Variants in SLC38A10 observed in about 807,000 individuals in gnomAD.
The protein encoded by SLC38A10 is solute carrier family 38 member 10.
In SLC38A10, 53 loss-of-function variants were observed where a neutral mutation model predicts 81.0. That is an observed-to-expected ratio of 0.65 (90% confidence interval 0.53 to 0.82). The LOEUF is 0.82. Among genes scored for constraint, SLC38A10 ranks in the 40% least tolerant of loss-of-function variants. The pLI, the probability that SLC38A10 is intolerant of heterozygous loss-of-function variation, is 0.00. For synonymous variants in SLC38A10, 665 were observed against 655.3 expected (o/e 1.01, Z -0.23); for missense variants, 1,471 against 1,545.0 (o/e 0.95, Z 0.80).
chr17:81,255,340 G>A (rs563803866), intron 11 of SLC38A10, among the ~76,000 whole-genome samples: 21 of 152,386 alleles, frequency 1.4e-4, no homozygotes, highest in Non-Finnish European at 2.4e-4. Context: ...CCATCTTTGC[G>A]TCAGGGACAG....
chr17:81,246,254 C>T lies in SLC38A10; in HGVS notation c.2662G>A (p.Gly888Ser), dbSNP rs752033485. ...CCAGGTTTTTTCCTGTCTTGGGAAC[C>T]GCCAGTAACGTCCTGACTTTGCCCA... ...FPGQSQDVTGGSQDRKKPGKE... is the reference protein window; with the variant it reads ...FPGQSQDVTGSSQDRKKPGKE... Residue 888 changes from glycine to serine, a missense_variant, in exon 16 of 16, where the codon GGT (glycine) becomes AGT (serine). Coordinates refer to ENST00000374759, the MANE Select transcript of SLC38A10 (RefSeq NM_001037984.3). 26 of 1,612,600 alleles carry T rather than the reference C, an allele frequency of 1.6e-5. No homozygotes were observed. Among genetic ancestry groups the T allele is most frequent in the Middle Eastern group, 1.6e-4 (1 of 6,082 alleles).
chr17:81,280,545 C>T (rs951079855), intron 6 of SLC38A10, 64 bp downstream of exon 6: 16 of 1,590,430 alleles, frequency 1.0e-5, no homozygotes, highest in Admixed American at 1.7e-5. Flanking sequence ...GAGAGGGTCC[C>T]GTCTCCCAGC....
In SLC38A10 at chr17:81,246,907, G is replaced by A. The variant is rs1450065324; in HGVS notation, c.2220C>T (p.Asp740=). 9 of 1,602,054 alleles carry A rather than the reference G, an allele frequency of 5.6e-6. No homozygotes were observed. The highest frequency in any genetic ancestry group is 1.3e-5 in the African/African-American group (1 of 74,918). ...TACCCTGCCTGGGTTTATCCTCCTC[G>A]TCCTCCTGCCTCTGCTGGTGGATCT... ...HKEIHQQRQE[D]EEDKPRQVEV... The change falls in exon 15 of 16, where the codon GAC becomes GAT. Residue 740 remains aspartate (D), a synonymous_variant. Coordinates refer to ENST00000374759, the MANE Select transcript of SLC38A10 (RefSeq NM_001037984.3).
intron 8 of SLC38A10, among the ~76,000 whole-genome samples, chr17:81,274,406 G>GC (rs930887572): frequency 3.3e-5 from 5 of 152,228 alleles, no homozygotes; most frequent in Non-Finnish European, 7.3e-5. Flanking sequence ...GAGACCCACC[G>GC]CCCCCAATGT....
chr17:81,280,560 C>T lies in SLC38A10; in HGVS notation c.626+49G>A, dbSNP rs780665080. ...GAGAGGGTCCCGTCTCCCAGCAGCT[C>T]GCCCTCCCCGTCACAGAACTCCACC... On this transcript the variant is annotated intron_variant, in intron 6 of 15. Transcript: ENST00000374759. 1.1e-5 allele frequency: 18 copies of T among 1,602,464 alleles called. No homozygotes were observed. The African/African-American group carries it at 1.2e-4, about 11-fold the overall frequency.
chr17:81,274,370 C>A (rs1447128265), intron 8 of SLC38A10, among the ~76,000 whole-genome samples: 1 of 152,210 alleles, frequency 6.6e-6, no homozygotes, highest in Admixed American at 6.5e-5. Flanking sequence ...GACAGTGAGC[C>A]AATGCTATCG....
At chr17:81,280,029 G>C (rs1006797152) in intron 6 of SLC38A10, 2 of 391,090 alleles carry the variant, frequency 5.1e-6, no homozygotes, top group African/African-American at 4.2e-5. Flanking sequence ...TCCCGTCTGC[G>C]CCGGATTTAC....
rs763648595 is a variant in SLC38A10, at chr17:81,250,124, A to G, written c.2065+1369T>C. The stretch of plus-strand genomic sequence containing the variant: ...CGTCCCGTTGAGAGGCATACGGAAG[A>G]AAGGCAGAATAGGAAACCGTGAAAA... On this transcript the variant is annotated intron_variant, in intron 14 of 15. Coordinates refer to ENST00000374759, the MANE Select transcript of SLC38A10 (RefSeq NM_001037984.3). 3 of 1,284,376 alleles carry G rather than the reference A, an allele frequency of 2.3e-6. No individual in the cohort carries two copies. In the South Asian group the frequency reaches 3.7e-5, roughly 16 times the overall value. 79.6% of individuals were successfully genotyped at this position (1,284,376 alleles called of 1,614,324 possible). A position where few individuals can be genotyped will look rare whatever the true frequency, so the allele number is the denominator to read the frequency against.
At position 81,270,914 on chromosome 17, in the gene SLC38A10, G is replaced by A. The variant is rs201246685; in HGVS notation, c.1131+4C>T. On this transcript the variant is annotated splice_donor_region_variant and intron_variant, in intron 10 of 15. Transcript: ENST00000374759. The surrounding 1 kb of genome is among the most constrained non-coding windows in gnomAD (Gnocchi z 4.0). ...GTCCAGGCCACCCCACGAGCAGCAC[G>A]CACCTGGGAGGAAAGTGCGTTCTTG... is the stretch of plus-strand genomic sequence containing the variant. 3.7e-5 allele frequency: 59 copies of A among 1,613,584 alleles called. No homozygotes were observed. In the South Asian group the frequency reaches 3.8e-4, roughly 11 times the overall value.
rs765032218 is a variant in SLC38A10, at chr17:81,252,200, T to A, written c.1940A>T (p.Asp647Val). ...GDTGQPAEDS[D>V]HGGKPPLPAE... ...GAGCCCAGGCTGACACCCACCGTGGTCGCTGTCCTCTGCGGGCTGCCCTGT... is the reference window on the plus strand; with the variant it reads ...GAGCCCAGGCTGACACCCACCGTGGACGCTGTCCTCTGCGGGCTGCCCTGT... The change falls in exon 13 of 16, where the codon GAC (aspartate) becomes GTC (valine). Residue 647 changes from aspartate to valine, a missense_variant. Asp to Val is a radical substitution (Grantham distance 152). Transcript: ENST00000374759. 1 of 1,509,072 alleles carries A rather than the reference T, an allele frequency of 6.6e-7. No individual in the cohort carries two copies. Among genetic ancestry groups the A allele is most frequent in the Non-Finnish European group, 8.8e-7 (1 of 1,133,468 alleles). 93.5% of individuals were successfully genotyped at this position (1,509,072 alleles called of 1,614,324 possible).
At chr17:81,279,482 C>T (rs984766165) in intron 6 of SLC38A10, among the ~76,000 whole-genome samples, 2 of 152,086 alleles carry the variant, frequency 1.3e-5, no homozygotes, top group African/African-American at 4.8e-5. Flanking sequence ...GCGGCCGGCA[C>T]AGGGGTGGGG....
chr17:81,275,834 T>A, intron 8 of SLC38A10, 135 bp downstream of exon 8: 2 of 1,033,970 alleles, frequency 1.9e-6, no homozygotes, highest in South Asian at 1.9e-5. Context: ...CTCCCCCAAC[T>A]TCCGCCCTCC....
At position 81,270,546 on chromosome 17, in the gene SLC38A10, C is replaced by G. The variant is rs1293968260; in HGVS notation, c.1131+372G>C. 2.0e-5 allele frequency among the ~76,000 whole-genome samples: 3 copies of G among 152,180 alleles called. No homozygotes were observed. The highest frequency in any genetic ancestry group is 2.0e-4 in the Admixed American group (3 of 15,282). Reference sequence around the variant, plus strand: ...GCACATCTCCGTGGGAGGGTCGCACCAGGAACAACGGTGGGTGGTGGCCTC... The same window carrying G: ...GCACATCTCCGTGGGAGGGTCGCACGAGGAACAACGGTGGGTGGTGGCCTC... On this transcript the variant is annotated intron_variant, in intron 10 of 15. Coordinates refer to ENST00000374759, the MANE Select transcript of SLC38A10 (RefSeq NM_001037984.3). This position sits in a 1 kb window ranked among gnomAD's most constrained non-coding sequence, Gnocchi z 4.0.
At chr17:81,282,847 C>T (rs186635821) in intron 4 of SLC38A10, among the ~76,000 whole-genome samples, 30 of 152,370 alleles carry the variant, frequency 2.0e-4, no homozygotes, top group African/African-American at 6.7e-4. Flanking sequence ...GAGGACACCC[C>T]CGCCTCAGTG....
rs1406682359 is a variant in SLC38A10 at position 81,270,257 on chromosome 17, G to A, written c.1131+661C>T. On this transcript the variant is annotated intron_variant, in intron 10 of 15. Coordinates refer to ENST00000374759, the MANE Select transcript of SLC38A10 (RefSeq NM_001037984.3). This position sits in a 1 kb window ranked among gnomAD's most constrained non-coding sequence, Gnocchi z 4.0. ...CTGACACAGGATTCCATTTCTAGAA[G>A]GCTTCCTACAGACGCGTGCTCAAAT... Among the ~76,000 whole-genome samples, 1 of 152,176 alleles carries A rather than the reference G, an allele frequency of 6.6e-6. No individual in the cohort carries two copies. The highest frequency in any genetic ancestry group is 1.5e-5 in the Non-Finnish European group (1 of 68,030).
chr17:81,255,766 C>T (rs998388494), intron 11 of SLC38A10, among the ~76,000 whole-genome samples: 2 of 152,164 alleles, frequency 1.3e-5, no homozygotes, highest in African/African-American at 4.8e-5. Flanking sequence ...GAGGCCGAGG[C>T]AGGAGGATCA....
chr17:81,272,365 G>A lies in SLC38A10; in HGVS notation c.1024+151C>T, dbSNP rs1598395845. 5.3e-5 allele frequency: 24 copies of A among 456,964 alleles called. No homozygotes were observed. The East Asian group carries it at 8.6e-4, about 16-fold the overall frequency. 28.3% of individuals were successfully genotyped at this position (456,964 alleles called of 1,614,324 possible). A position where few individuals can be genotyped will look rare whatever the true frequency, so the allele number is the denominator to read the frequency against. ...CAGATTTTATCCCCTGCCTTTCTCT[G>A]TGGGCCAGAGAAAAACTGACAAAGT... is the stretch of plus-strand genomic sequence containing the variant. On this transcript the variant is annotated intron_variant, in intron 9 of 15. Transcript: ENST00000374759.
rs760519967 is a variant in SLC38A10 at position 81,246,299 on chromosome 17, G to A, written c.2617C>T (p.Arg873Cys). 6.8e-6 allele frequency: 11 copies of A among 1,611,216 alleles called. No individual in the cohort carries two copies. The highest frequency in any genetic ancestry group is 2.2e-5 in the East Asian group (1 of 44,880). ...PAREAGGPEE[R>C]LAEEFPGQSQ... Reference sequence around the variant, plus strand: ...TGCCCAGGGAATTCCTCTGCGAGGCGCTCCTCTGGGCCCCCGGCTTCCCTG... The same window carrying A: ...TGCCCAGGGAATTCCTCTGCGAGGCACTCCTCTGGGCCCCCGGCTTCCCTG... Residue 873 changes from arginine to cysteine, a missense_variant, in exon 16 of 16, where the codon CGC (arginine) becomes TGC (cysteine). Arg to Cys is a radical substitution (Grantham distance 180). This residue lies in a region of SLC38A10 where 751 missense variants were observed against 717.4 expected (regional missense o/e 1.05). Transcript: ENST00000374759.
At chr17:81,271,904 T>C (rs1264447845) in intron 9 of SLC38A10, among the ~76,000 whole-genome samples, 2 of 151,980 alleles carry the variant, frequency 1.3e-5, no homozygotes, top group Non-Finnish European at 2.9e-5. Flanking sequence ...TTTTTTTGTA[T>C]TTTTAGTAGA....
Sources: allele counts gnomAD v4.1 joint callset (sites outside exome capture counted in the v4.1 genomes callset), GRCh38; gene constraint gnomAD v4.1.1; regional missense constraint gnomAD v4.1.1; non-coding constraint Gnocchi (gnomAD v3.1); transcripts MANE v1.5; gene names NCBI Gene and HGNC (gene_info 2026-07-23, HGNC 2026-07-21).